HECW2: variants seen among roughly 807,000 people sequenced by gnomAD.
The protein encoded by HECW2 is E3 ubiquitin-protein ligase HECW2.
A neutral mutation model predicts 175.2 loss-of-function variants in HECW2; 61 were observed. That is an observed-to-expected ratio of 0.35 (90% CI 0.28 to 0.43). The LOEUF is 0.43. Among genes scored for constraint, HECW2 ranks in the 20% least tolerant of loss-of-function variants. The pLI, the probability that HECW2 is intolerant of heterozygous loss-of-function variation, is 1.00. For missense variants in HECW2, 1,524 were observed against 2,000.5 expected, an observed-to-expected ratio of 0.76 and a Z score of 4.54; for synonymous variants, 671 against 731.0, an observed-to-expected ratio of 0.92 and a Z score of 1.32.
intron 21 of HECW2, among the ~76,000 whole-genome samples, chr2:196,236,507 A>G (rs889657583): frequency 1.3e-5 from 2 of 152,194 alleles, no homozygotes; most frequent in African/African-American, 4.8e-5. Context: ...GCTAAAATCC[A>G]TACTTTATCT....
At chr2:196,216,368 G>T (rs148660533) in intron 27 of HECW2, among the ~76,000 whole-genome samples, 19 of 152,056 alleles carry the variant, frequency 1.2e-4, no homozygotes, top group African/African-American at 4.1e-4. Flanking sequence ...GTCTGGGCCT[G>T]CAATTTTGAG....
intron 1 of HECW2, among the ~76,000 whole-genome samples, chr2:196,505,155 T>A (rs1289932971): frequency 6.6e-6 from 1 of 152,102 alleles, no homozygotes; most frequent in East Asian, 1.9e-4. Flanking sequence ...ATTAGATTAA[T>A]AACCACACCT....
intron 5 of HECW2, 61 bp from the exon 6 acceptor site, chr2:196,325,210 G>T: frequency 7.8e-7 from 1 of 1,280,672 alleles, no homozygotes. Flanking sequence ...AGGGAGGAAA[G>T]AAAGGAGGAA....
chr2:196,364,036 G>A (rs1241477288), intron 2 of HECW2, among the ~76,000 whole-genome samples: 1 of 151,996 alleles, frequency 6.6e-6, no homozygotes, highest in African/African-American at 2.4e-5. Flanking sequence ...GACTCTGTTG[G>A]GTAGAAGAGA....
intron 1 of HECW2, among the ~76,000 whole-genome samples, chr2:196,523,152 A>G (rs1370294494): frequency 6.6e-6 from 1 of 152,024 alleles, no homozygotes; most frequent in African/African-American, 2.4e-5. Flanking sequence ...CTTTTATTTC[A>G]TTGAGCAGTG....
chr2:196,244,250 C>T (rs1441315619), intron 19 of HECW2, among the ~76,000 whole-genome samples: 1 of 152,094 alleles, frequency 6.6e-6, no homozygotes, highest in East Asian at 1.9e-4. Flanking sequence ...ATAATTAAGT[C>T]CTGAACTAGG....
At chr2:196,337,735 C>T (rs1003651887) in intron 3 of HECW2, among the ~76,000 whole-genome samples, 1 of 151,086 alleles carries the variant, frequency 6.6e-6, no homozygotes, top group Admixed American at 6.6e-5. Context: ...CATGTTGCCT[C>T]AGAGGGCAGT....
intron 1 of HECW2, among the ~76,000 whole-genome samples, chr2:196,521,453 C>CATTTT (rs534367173): frequency 1.4e-4 from 21 of 151,798 alleles, no homozygotes; most frequent in East Asian, 5.8e-4. Context: ...TGAATCCCTT[C>CATTTT]ATTTTATTTT....
At chr2:196,326,726 G>A (rs1272099092) in intron 5 of HECW2, among the ~76,000 whole-genome samples, 2 of 152,138 alleles carry the variant, frequency 1.3e-5, no homozygotes, top group East Asian at 3.9e-4. Context: ...ACAGGCGTGA[G>A]CCACTGCACA....
At position 196,320,770 on chromosome 2, in the gene HECW2, T is replaced by C. The variant is rs112482276; in HGVS notation, c.885-331A>G. ...CAGGAAAAGGACATTTTGAAGGTCATAAAGGAGTTGTGAAAGGCCTCAAGT... is the reference window on the plus strand; with the variant it reads ...CAGGAAAAGGACATTTTGAAGGTCACAAAGGAGTTGTGAAAGGCCTCAAGT... On this transcript the variant is annotated intron_variant, in intron 7 of 28. Transcript: ENST00000644978. Among the ~76,000 whole-genome samples, 212 of 152,306 alleles carry C rather than the reference T, an allele frequency of 1.4e-3. 1 individual carries two copies. The highest frequency in any genetic ancestry group is 4.9e-3 in the African/African-American group (202 of 41,554).
intron 2 of HECW2, among the ~76,000 whole-genome samples, chr2:196,370,915 T>A (rs967498353): frequency 4.6e-5 from 7 of 152,206 alleles, no homozygotes; most frequent in African/African-American, 1.7e-4. Flanking sequence ...GGGGATGCAG[T>A]GTCAGCAATG....
At chr2:196,221,959 T>C (rs574865919) in intron 24 of HECW2, among the ~76,000 whole-genome samples, 15 of 152,304 alleles carry the variant, frequency 9.8e-5, no homozygotes, top group Non-Finnish European at 1.3e-4. Flanking sequence ...ATATTTTAGT[T>C]GGAAATAAAA....
chr2:196,287,454 G>A (rs1365621132), intron 14 of HECW2, among the ~76,000 whole-genome samples: 2 of 151,876 alleles, frequency 1.3e-5, no homozygotes, highest in Admixed American at 1.3e-4. Flanking sequence ...ATAATCTGGG[G>A]GAAAAAACCC....
intron 1 of HECW2, among the ~76,000 whole-genome samples, chr2:196,524,634 A>G (rs1239544224): frequency 9.6e-6 from 1 of 104,396 alleles, no homozygotes; most frequent in Non-Finnish European, 1.8e-5. Context: ...ATTTCCCTCT[A>G]CACACTGCTT....
intron 18 of HECW2, among the ~76,000 whole-genome samples, chr2:196,256,579 G>GTAA: frequency 6.6e-6 from 1 of 152,256 alleles, no homozygotes; most frequent in Non-Finnish European, 1.5e-5. Flanking sequence ...TCCCAAAGCA[G>GTAA]AATTCTTAGT....
rs181150631 is a variant in HECW2, at chr2:196,282,827, C to T, written c.3001-4165G>A. 2.0e-4 allele frequency among the ~76,000 whole-genome samples: 30 copies of T among 152,238 alleles called. No homozygotes were observed. In the East Asian group the frequency reaches 5.6e-3, roughly 28 times the overall value. ...TCAGCTGCAAGGCATATCCAACCCC[C>T]CACTTTCCATCATGGCCTGAACTAG... On this transcript the variant is annotated intron_variant, in intron 14 of 28. Coordinates refer to ENST00000644978, the MANE Select transcript of HECW2 (RefSeq NM_001348768.2).
chr2:196,452,712 C>T (rs1039096924), intron 1 of HECW2, among the ~76,000 whole-genome samples: 6 of 151,024 alleles, frequency 4.0e-5, no homozygotes, highest in Non-Finnish European at 8.8e-5. Context: ...GTGGAGGGAT[C>T]ATTTCTGGGC....
intron 2 of HECW2, among the ~76,000 whole-genome samples, chr2:196,378,584 T>C (rs1391183161): frequency 6.6e-6 from 1 of 152,156 alleles, no homozygotes; most frequent in Non-Finnish European, 1.5e-5. Context: ...CAATTGACAA[T>C]AACTAGGGCA....
intron 28 of HECW2, among the ~76,000 whole-genome samples, chr2:196,206,497 TG>T (rs1276420632): frequency 6.6e-6 from 1 of 152,228 alleles, no homozygotes; most frequent in Non-Finnish European, 1.5e-5. Flanking sequence ...ATTGGTTTGT[TG>T]ATTAATTTCT....
Sources: allele counts gnomAD v4.1 joint callset (sites outside exome capture counted in the v4.1 genomes callset), GRCh38; gene constraint gnomAD v4.1.1; transcripts MANE v1.5; gene names NCBI Gene and HGNC (gene_info 2026-07-23, HGNC 2026-07-21).